Variants in NKAIN3 observed in about 807,000 individuals in gnomAD.
NKAIN3 encodes the protein sodium/potassium transporting ATPase interacting 3.
NKAIN3 carries 25 observed loss-of-function variants against 30.2 expected under a neutral mutation model. The ratio of observed to expected loss-of-function variants is 0.83; its 90% confidence interval spans 0.60 to 1.16. The LOEUF (loss-of-function observed/expected upper bound fraction) is 1.16. Ranked by LOEUF, NKAIN3 falls within the 50% of genes most tolerant of loss-of-function variation. The pLI is 0.00. For synonymous variants in NKAIN3, 91 were observed against 89.6 expected (o/e 1.02, Z -0.09); for missense variants, 225 against 254.1 (o/e 0.89, Z 0.78).
chr8:62,582,534 A>G (rs1563469489), intron 2 of NKAIN3, among the ~76,000 whole-genome samples: 1 of 152,104 alleles, frequency 6.6e-6, no homozygotes, highest in Non-Finnish European at 1.5e-5. Flanking sequence ...GTCTGCTCTC[A>G]GTATGAGAGT....
chr8:62,617,892 G>C (rs1312659255), intron 3 of NKAIN3, among the ~76,000 whole-genome samples: 1 of 152,174 alleles, frequency 6.6e-6, no homozygotes, highest in African/African-American at 2.4e-5. Flanking sequence ...AGAGATTTAT[G>C]ACTAAACAAT....
chr8:62,752,494 C>T (rs1429821142), intron 4 of NKAIN3, among the ~76,000 whole-genome samples: 2 of 152,188 alleles, frequency 1.3e-5, no homozygotes, highest in South Asian at 2.1e-4. Flanking sequence ...TGAACTTTTA[C>T]TTAATATGTA....
intron 4 of NKAIN3, among the ~76,000 whole-genome samples, chr8:62,901,753 C>T (rs925188661): frequency 2.0e-5 from 3 of 152,306 alleles, no homozygotes; most frequent in African/African-American, 7.2e-5. Context: ...TCCACAGACA[C>T]ATATGGATAG....
At chr8:62,318,484 T>A (rs760136717) in intron 1 of NKAIN3, among the ~76,000 whole-genome samples, 3 of 152,194 alleles carry the variant, frequency 2.0e-5, no homozygotes, top group Non-Finnish European at 4.4e-5. Context: ...AATACCTAAT[T>A]TATTGAGAGT....
At chr8:62,964,322 A>G (rs1198602279) in intron 6 of NKAIN3, among the ~76,000 whole-genome samples, 1 of 152,218 alleles carries the variant, frequency 6.6e-6, no homozygotes, top group Non-Finnish European at 1.5e-5. Flanking sequence ...ACAGATGTTT[A>G]TGAAGTATCA....
chr8:62,431,611 A>G (rs1804999807), intron 1 of NKAIN3, among the ~76,000 whole-genome samples: 1 of 151,850 alleles, frequency 6.6e-6, no homozygotes, highest in South Asian at 2.1e-4. Flanking sequence ...ACCAAATAAC[A>G]TCTTTGTGTT....
chr8:62,805,432 T>C (rs891678033), intron 4 of NKAIN3, among the ~76,000 whole-genome samples: 1 of 152,058 alleles, frequency 6.6e-6, no homozygotes, highest in Non-Finnish European at 1.5e-5. Context: ...CAAAACAGCA[T>C]GGTACTGGTA....
At chr8:62,347,223 A>G (rs1001186689) in intron 1 of NKAIN3, among the ~76,000 whole-genome samples, 1 of 152,128 alleles carries the variant, frequency 6.6e-6, no homozygotes, top group African/African-American at 2.4e-5. Flanking sequence ...TTACACTTCT[A>G]TGAATGAAGA....
rs530094813 is a variant in NKAIN3, at chr8:62,793,670, C to T, written c.471+46541C>T. Among the ~76,000 whole-genome samples, 175 of 152,192 alleles carry T rather than the reference C, an allele frequency of 1.1e-3. 1 individual carries two copies. The highest frequency in any genetic ancestry group is 3.9e-3 in the African/African-American group (164 of 41,542). Reference sequence around the variant, plus strand: ...TCAGAAGTGATTATGGTGGGCAGGCCTGTTGAGGCTGAGCAGCTCTGCTTA... The same window carrying T: ...TCAGAAGTGATTATGGTGGGCAGGCTTGTTGAGGCTGAGCAGCTCTGCTTA... On this transcript the variant is annotated intron_variant, in intron 4 of 6. Transcript: ENST00000623646.
At chr8:62,451,209 C>CCTTCTCTTCTCTTCTCTTTTCT in intron 1 of NKAIN3, among the ~76,000 whole-genome samples, 1 of 151,532 alleles carries the variant, frequency 6.6e-6, no homozygotes, top group South Asian at 2.1e-4. Context: ...CATTGAATCG[C>CCTTCTCTTCTCTTCTCTTTTCT]CTTCTCTTCT....
intron 4 of NKAIN3, among the ~76,000 whole-genome samples, chr8:62,755,644 A>G (rs1399804169): frequency 6.6e-6 from 1 of 152,146 alleles, no homozygotes; most frequent in African/African-American, 2.4e-5. Context: ...CCCTTTTACC[A>G]GAAAATCTAT....
chr8:62,921,826 G>C, intron 5 of NKAIN3, among the ~76,000 whole-genome samples: 1 of 152,158 alleles, frequency 6.6e-6, no homozygotes, highest in East Asian at 1.9e-4. Context: ...AAATGAACTT[G>C]AGGATTTGTT....
At chr8:62,754,616 T>C (rs1346758549) in intron 4 of NKAIN3, among the ~76,000 whole-genome samples, 1 of 152,200 alleles carries the variant, frequency 6.6e-6, no homozygotes, top group African/African-American at 2.4e-5. Context: ...GCTGGGGTCC[T>C]ATGAGAATTG....
intron 4 of NKAIN3, among the ~76,000 whole-genome samples, chr8:62,881,128 C>A (rs1397597317): frequency 6.6e-6 from 1 of 152,176 alleles, no homozygotes; most frequent in Non-Finnish European, 1.5e-5. Context: ...AAAAGCCCAT[C>A]ATTTTACATT....
At chr8:62,656,325 T>C (rs1336336285) in intron 3 of NKAIN3, among the ~76,000 whole-genome samples, 1 of 152,194 alleles carries the variant, frequency 6.6e-6, no homozygotes, top group African/African-American at 2.4e-5. Context: ...TCAGCAGCTG[T>C]TACTTCATAC....
chr8:62,409,269 C>A (rs1356679992), intron 1 of NKAIN3, among the ~76,000 whole-genome samples: 1 of 152,174 alleles, frequency 6.6e-6, no homozygotes, highest in Non-Finnish European at 1.5e-5. Context: ...ACTGCAACAT[C>A]CACCTCCCAG....
chr8:62,736,515 C>T, intron 3 of NKAIN3, among the ~76,000 whole-genome samples: 1 of 152,162 alleles, frequency 6.6e-6, no homozygotes, highest in East Asian at 1.9e-4. Flanking sequence ...AAAGCCCCGA[C>T]TCACTCTCAC....
intron 5 of NKAIN3, among the ~76,000 whole-genome samples, chr8:62,947,834 A>G (rs577864892): frequency 6.6e-6 from 1 of 152,354 alleles, no homozygotes; most frequent in South Asian, 2.1e-4. Flanking sequence ...CTTGCCTGCC[A>G]TGTGAATGCA....
chr8:62,885,703 G>C (rs542131832), intron 4 of NKAIN3, among the ~76,000 whole-genome samples: 5 of 152,244 alleles, frequency 3.3e-5, no homozygotes, highest in African/African-American at 1.2e-4. Flanking sequence ...ATGTTTTCCT[G>C]GGGAAGTGAT....
Sources: allele counts gnomAD v4.1 joint callset (sites outside exome capture counted in the v4.1 genomes callset), GRCh38; gene constraint gnomAD v4.1.1; transcripts MANE v1.5; gene names NCBI Gene and HGNC (gene_info 2026-07-23, HGNC 2026-07-21).